Variants in SCN3B observed in about 807,000 individuals in gnomAD.
SCN3B encodes the protein sodium channel regulatory subunit beta-3.
In SCN3B, 11 loss-of-function variants were observed where a neutral mutation model predicts 25.4. The observed-to-expected ratio is 0.43, with a 90% CI of 0.27 to 0.72. The LOEUF (loss-of-function observed/expected upper bound fraction) is 0.72. Among genes scored for constraint, SCN3B ranks in the 30% least tolerant of loss-of-function variants. SCN3B has a pLI of 0.18. For synonymous variants in SCN3B, 109 were observed against 110.7 expected (o/e 0.99, Z 0.09); for missense variants, 218 against 278.3 (o/e 0.78, Z 1.54).
chr11:123,639,481 A>G (rs1344632531), intron 4 of SCN3B: 3 of 152,048 alleles, frequency 2.0e-5, no homozygotes, highest in African/African-American at 7.3e-5. Flanking sequence ...GGTTCAAGCG[A>G]TTCTCCTGCC....
chr11:123,633,989 G>A (rs1297806525), intron 6 of SCN3B, 132 bp downstream of exon 6: 2 of 701,694 alleles, frequency 2.9e-6, no homozygotes, highest in Admixed American at 2.0e-5. Context: ...TACCCTGAGG[G>A]CGGGGACCCC....
intron 1 of SCN3B, 147 bp downstream of exon 1, chr11:123,654,079 G>C (rs562333194): frequency 1.8e-6 from 1 of 548,516 alleles, no homozygotes; most frequent in East Asian, 3.1e-5. Context: ...TCAGCACCAC[G>C]GACAGTCGCC....
At chr11:123,648,500 C>T (rs1955880978) in intron 2 of SCN3B, among the ~76,000 whole-genome samples, 2 of 152,044 alleles carry the variant, frequency 1.3e-5, no homozygotes, top group Admixed American at 6.5e-5. Context: ...AAGAATACAC[C>T]AGAGAACAAA....
chr11:123,648,155 G>A (rs1200393049), intron 2 of SCN3B, among the ~76,000 whole-genome samples: 2 of 152,184 alleles, frequency 1.3e-5, no homozygotes, highest in African/African-American at 2.4e-5. Context: ...ATGAGAGCTG[G>A]CAAAGATAAA....
chr11:123,631,835 AT>A lies in SCN3B; in HGVS notation c.*1963del, dbSNP rs1431409865. 2 of 152,168 alleles carry A rather than the reference AT, an allele frequency of 1.3e-5. No homozygotes were observed. The highest frequency in any genetic ancestry group is 1.5e-5 in the Non-Finnish European group (1 of 68,040). 9.4% of individuals were successfully genotyped at this position (152,168 alleles called of 1,614,324 possible). A position where few individuals can be genotyped will look rare whatever the true frequency, so the allele number is the denominator to read the frequency against. On this transcript the variant is annotated 3_prime_UTR_variant, in exon 7 of 7. Transcript: ENST00000299333. ...CAGAGTGAGAATCTGTCTCAAAAAAATAATAATAAATAAATAAAAATTTAAA... is the reference window on the plus strand; with the variant it reads ...CAGAGTGAGAATCTGTCTCAAAAAAAAATAATAAATAAATAAAAATTTAAA...
chr11:123,653,599 T>C, intron 2 of SCN3B, 148 bp downstream of exon 2: 1 of 907,014 alleles, frequency 1.1e-6, no homozygotes. Context: ...CCAGCTCTCA[T>C]GGAACCCCTG....
chr11:123,638,640 CCTTA>C (rs895393120), intron 4 of SCN3B: 28 of 393,506 alleles, frequency 7.1e-5, no homozygotes, highest in African/African-American at 5.5e-4. Flanking sequence ...CAACCATTTC[CCTTA>C]CTTGAGACTC....
rs1162602286 is a variant in SCN3B, at chr11:123,631,383, ACT to A, written c.*2414_*2415del. The A allele has an allele frequency of 6.6e-6, 1 of 152,146 alleles. No individual in the cohort carries two copies. Among genetic ancestry groups the A allele is most frequent in the African/African-American group, 2.4e-5 (1 of 41,442 alleles). The allele number at this position is 152,146 out of a possible 1,614,324, so 9.4% of individuals were successfully genotyped here. A position where few individuals can be genotyped will look rare whatever the true frequency, so the allele number is the denominator to read the frequency against. Reference sequence around the variant, plus strand: ...AGCTATGGGACTGGAAAAATTTCACACTGAGGCCAATTTTTCTAACTATAAAG... The same window carrying A: ...AGCTATGGGACTGGAAAAATTTCACAGAGGCCAATTTTTCTAACTATAAAG... On this transcript the variant is annotated 3_prime_UTR_variant, in exon 7 of 7. Coordinates refer to ENST00000299333, the MANE Select transcript of SCN3B (RefSeq NM_001040151.2).
At position 123,638,186 on chromosome 11, in the gene SCN3B, G is replaced by C. The variant is rs767843514; in HGVS notation, c.584C>G (p.Ala195Gly). Residue 195 changes from alanine to glycine, a missense_variant and splice_region_variant, in exon 5 of 7, where the codon GCG becomes GGG. Coordinates refer to ENST00000299333, the MANE Select transcript of SCN3B (RefSeq NM_001040151.2). ...ATTACTTTGGCATCTCTGGACTTAC[G>C]CGTTTTCTTGGGCTGCCTCTTCGGC... ...SKAEEAAQEN[A>G]SDYLAIPSEN... 12 of 1,614,016 alleles carry C rather than the reference G, an allele frequency of 7.4e-6. No individual in the cohort carries two copies. In the Admixed American group the frequency reaches 1.7e-4, roughly 22 times the overall value.
chr11:123,647,137 A>G (rs2137249024), intron 2 of SCN3B, among the ~76,000 whole-genome samples: 1 of 152,190 alleles, frequency 6.6e-6, no homozygotes, highest in East Asian at 1.9e-4. Flanking sequence ...AAATGCAAAT[A>G]ACTAAATGCT....
At position 123,640,862 on chromosome 11, in the gene SCN3B, G is replaced by A. The variant is rs187161271; in HGVS notation, c.445+1584C>T. ...TCTGATGTCTGCCCTTTATCCAGAG[G>A]CCCTGGATTAAATAAATGATATCCA... On this transcript the variant is annotated intron_variant, in intron 4 of 6. Transcript: ENST00000299333. 2.0e-5 allele frequency: 3 copies of A among 152,288 alleles called. No individual in the cohort carries two copies. In the East Asian group the frequency reaches 5.8e-4, roughly 29 times the overall value. 9.4% of individuals were successfully genotyped at this position (152,288 alleles called of 1,614,324 possible). A position where few individuals can be genotyped will look rare whatever the true frequency, so the allele number is the denominator to read the frequency against.
At chr11:123,654,014 A>G (rs1955963528) in intron 1 of SCN3B, 188 bp from the exon 2 acceptor site, 1 of 604,004 alleles carries the variant, frequency 1.7e-6, no homozygotes, top group South Asian at 1.9e-5. Flanking sequence ...ACCCCACTGG[A>G]CCTCCCCAGT....
chr11:123,650,700 T>A (rs1955914229), intron 2 of SCN3B, among the ~76,000 whole-genome samples: 2 of 152,138 alleles, frequency 1.3e-5, no homozygotes, highest in Admixed American at 6.5e-5. Context: ...TAGTAGCACA[T>A]GTGTCCATGA....
At position 123,632,914 on chromosome 11, in the gene SCN3B, A is replaced by G. The variant is rs976886530; in HGVS notation, c.*885T>C. On this transcript the variant is annotated 3_prime_UTR_variant, in exon 7 of 7. Coordinates refer to ENST00000299333, the MANE Select transcript of SCN3B (RefSeq NM_001040151.2). ...AGCCTCTTATTCAGTTGAGCCCTGT[A>G]TGAGTCTTAGTTGCCTCCTGTATGT... The G allele has an allele frequency of 6.6e-6, 1 of 152,338 alleles. No individual in the cohort carries two copies. The highest frequency in any genetic ancestry group is 2.4e-5 in the African/African-American group (1 of 41,586). 9.4% of individuals were successfully genotyped at this position (152,338 alleles called of 1,614,324 possible).
chr11:123,636,343 G>A (rs1955724344), intron 5 of SCN3B, among the ~76,000 whole-genome samples: 1 of 152,152 alleles, frequency 6.6e-6, no homozygotes, highest in African/African-American at 2.4e-5. Context: ...TATGTAAATA[G>A]TAGGTATAGA....
chr11:123,644,413 A>G (rs1198240520), intron 3 of SCN3B, among the ~76,000 whole-genome samples: 1 of 152,146 alleles, frequency 6.6e-6, no homozygotes, highest in Non-Finnish European at 1.5e-5. Flanking sequence ...AATCAAACCC[A>G]GGTGGCCTGG....
intron 2 of SCN3B, among the ~76,000 whole-genome samples, chr11:123,651,174 C>T (rs1955921395): frequency 6.6e-6 from 1 of 151,310 alleles, no homozygotes; most frequent in Admixed American, 6.6e-5. Flanking sequence ...TTATTACATG[C>T]TTTAACAAAG....
At chr11:123,634,908 A>G (rs145651764) in intron 5 of SCN3B, among the ~76,000 whole-genome samples, 2 of 152,188 alleles carry the variant, frequency 1.3e-5, no homozygotes, top group Non-Finnish European at 2.9e-5. Flanking sequence ...TGTTTTGACA[A>G]TTTCTCCCAA....
chr11:123,635,840 A>G (rs1955718752), intron 5 of SCN3B, among the ~76,000 whole-genome samples: 1 of 152,204 alleles, frequency 6.6e-6, no homozygotes, highest in African/African-American at 2.4e-5. Flanking sequence ...GCAAACAAAT[A>G]GAAGAACAAT....
Sources: allele counts gnomAD v4.1 joint callset (sites outside exome capture counted in the v4.1 genomes callset), GRCh38; gene constraint gnomAD v4.1.1; transcripts MANE v1.5; gene names NCBI Gene and HGNC (gene_info 2026-07-23, HGNC 2026-07-21).